ZMAT4: variants seen among roughly 807,000 people sequenced by gnomAD.
ZMAT4 encodes zinc finger matrin-type 4, also known as zinc finger matrin-type protein 4.
A neutral mutation model predicts 28.7 loss-of-function variants in ZMAT4; 17 were observed. The observed-to-expected ratio is 0.59, with a 90% confidence interval of 0.41 to 0.89. ZMAT4 has a LOEUF of 0.89. Among genes scored for constraint, ZMAT4 ranks in the 40% least tolerant of loss-of-function variants. The pLI is 0.00. For missense variants in ZMAT4, 240 were observed against 283.8 expected (o/e 0.85, Z 1.11); for synonymous variants, 117 against 109.2 (o/e 1.07, Z -0.44).
At chr8:40,649,481 C>A (rs907523625) in intron 5 of ZMAT4, among the ~76,000 whole-genome samples, 20 of 152,262 alleles carry the variant, frequency 1.3e-4, no homozygotes, top group African/African-American at 4.8e-4. Context: ...GAATGGGAGA[C>A]TTTAACACCC....
intron 5 of ZMAT4, among the ~76,000 whole-genome samples, chr8:40,607,947 T>C (rs1805656955): frequency 6.6e-6 from 1 of 152,012 alleles, no homozygotes; most frequent in African/African-American, 2.4e-5. Context: ...GGGAGTGAAG[T>C]GGATTCTGTG....
chr8:40,844,063 G>A (rs989855083), intron 1 of ZMAT4, among the ~76,000 whole-genome samples: 2 of 152,128 alleles, frequency 1.3e-5, no homozygotes, highest in Non-Finnish European at 2.9e-5. Flanking sequence ...GCCCAGCCTG[G>A]AGCACTCTGG....
intron 3 of ZMAT4, among the ~76,000 whole-genome samples, chr8:40,756,940 A>C (rs1460676486): frequency 6.6e-6 from 1 of 152,080 alleles, no homozygotes; most frequent in Non-Finnish European, 1.5e-5. Context: ...ACTGTCACTC[A>C]GCACTGTCAC....
chr8:40,765,869 T>A (rs1010647762), intron 3 of ZMAT4, among the ~76,000 whole-genome samples: 1 of 152,312 alleles, frequency 6.6e-6, no homozygotes, highest in East Asian at 1.9e-4. Flanking sequence ...TATGAAAGGA[T>A]TCAGATCTGA....
intron 1 of ZMAT4, among the ~76,000 whole-genome samples, chr8:40,837,622 C>A (rs1048829389): frequency 6.6e-6 from 1 of 152,176 alleles, no homozygotes; most frequent in African/African-American, 2.4e-5. Flanking sequence ...AGAGACCAAA[C>A]CTAATCTCTT....
chr8:40,765,025 G>C (rs1813093710), intron 3 of ZMAT4, among the ~76,000 whole-genome samples: 1 of 151,884 alleles, frequency 6.6e-6, no homozygotes, highest in African/African-American at 2.4e-5. Flanking sequence ...GTAGACACAG[G>C]GTCTCACTAT....
At chr8:40,765,998 G>A (rs1401462580) in intron 3 of ZMAT4, among the ~76,000 whole-genome samples, 1 of 152,152 alleles carries the variant, frequency 6.6e-6, no homozygotes, top group Non-Finnish European at 1.5e-5. Flanking sequence ...AAAAGCTGGT[G>A]TAGGCCAACT....
chr8:40,890,088 C>CT (rs1818616134), intron 1 of ZMAT4, among the ~76,000 whole-genome samples: 1 of 152,190 alleles, frequency 6.6e-6, no homozygotes, highest in Non-Finnish European at 1.5e-5. Context: ...AGGAGAGACA[C>CT]TTTTCTTTTA....
intron 1 of ZMAT4, among the ~76,000 whole-genome samples, chr8:40,865,481 T>C (rs1442995032): frequency 6.6e-6 from 1 of 152,192 alleles, no homozygotes; most frequent in Non-Finnish European, 1.5e-5. Context: ...CTTCAGCCTC[T>C]GGGAAACCCT....
At chr8:40,592,122 CA>C (rs1272604358) in intron 5 of ZMAT4, among the ~76,000 whole-genome samples, 1 of 152,116 alleles carries the variant, frequency 6.6e-6, no homozygotes, top group Admixed American at 6.5e-5. Flanking sequence ...TGTGGAACAT[CA>C]GTTAGTTTCC....
At chr8:40,895,621 C>T (rs1424897169) in intron 1 of ZMAT4, among the ~76,000 whole-genome samples, 2 of 152,130 alleles carry the variant, frequency 1.3e-5, no homozygotes, top group Admixed American at 6.5e-5. Context: ...AGGCCCCCTC[C>T]GCCCCCTCCC....
intron 5 of ZMAT4, among the ~76,000 whole-genome samples, chr8:40,587,036 CA>C (rs1210012421): frequency 6.7e-6 from 1 of 150,212 alleles, no homozygotes; most frequent in African/African-American, 2.5e-5. Context: ...AAGAGCTATC[CA>C]GGGGTAGCAA....
At chr8:40,816,268 T>C (rs1313490126) in intron 2 of ZMAT4, among the ~76,000 whole-genome samples, 2 of 152,134 alleles carry the variant, frequency 1.3e-5, no homozygotes, top group Non-Finnish European at 2.9e-5. Context: ...GTTCCCCAGA[T>C]ACCAGTTGGA....
At chr8:40,644,968 A>G (rs1807235103) in intron 5 of ZMAT4, among the ~76,000 whole-genome samples, 1 of 152,184 alleles carries the variant, frequency 6.6e-6, no homozygotes, top group Non-Finnish European at 1.5e-5. Flanking sequence ...ATCGCCAACA[A>G]CAAGGAAAGC....
intron 5 of ZMAT4, among the ~76,000 whole-genome samples, chr8:40,586,129 C>A (rs1282266408): frequency 1.3e-5 from 2 of 152,158 alleles, no homozygotes; most frequent in Non-Finnish European, 2.9e-5. Flanking sequence ...AGAGAAGGGG[C>A]AGAGGAGTCC....
chr8:40,743,311 C>T (rs1176766476), intron 3 of ZMAT4, among the ~76,000 whole-genome samples: 1 of 152,150 alleles, frequency 6.6e-6, no homozygotes, highest in Non-Finnish European at 1.5e-5. Context: ...AGAGCAGTGA[C>T]CTGGGATGAC....
At chr8:40,579,160 G>A (rs1325979577) in intron 6 of ZMAT4, among the ~76,000 whole-genome samples, 2 of 152,166 alleles carry the variant, frequency 1.3e-5, no homozygotes, top group Non-Finnish European at 2.9e-5. Flanking sequence ...TATATGTACA[G>A]AATAGAGAAG....
At chr8:40,558,796 C>T (rs1803631857) in intron 6 of ZMAT4, among the ~76,000 whole-genome samples, 1 of 151,914 alleles carries the variant, frequency 6.6e-6, no homozygotes, top group South Asian at 2.1e-4. Context: ...CCCAGAGATC[C>T]CAGCCACGAC....
At chr8:40,767,533 C>T in intron 3 of ZMAT4, 108 bp downstream of exon 3, 1 of 853,358 alleles carries the variant, frequency 1.2e-6, no homozygotes, top group Non-Finnish European at 1.8e-6. Context: ...TATTTCTACT[C>T]ACTCAGCTTT....
Sources: allele counts gnomAD v4.1 joint callset (sites outside exome capture counted in the v4.1 genomes callset), GRCh38; gene constraint gnomAD v4.1.1; transcripts MANE v1.5; gene names NCBI Gene and HGNC (gene_info 2026-07-23, HGNC 2026-07-21).